The following KIF13B variants were observed in gnomAD, a reference collection of about 807,000 sequenced individuals.
KIF13B encodes kinesin family member 13B.
A neutral mutation model predicts 222.0 loss-of-function variants in KIF13B; 127 were observed. The ratio of observed to expected loss-of-function variants is 0.57; its 90% CI spans 0.50 to 0.66. The LOEUF is 0.66. Among genes scored for constraint, KIF13B ranks in the 30% least tolerant of loss-of-function variants. KIF13B has a pLI of 0.00. For synonymous variants in KIF13B, 976 were observed against 919.0 expected, an observed-to-expected ratio of 1.06 and a Z score of -1.12; for missense variants, 2,173 against 2,379.0, an observed-to-expected ratio of 0.91 and a Z score of 1.80.
chr8:29,131,693 T>TA (rs1356914241), intron 23 of KIF13B, among the ~76,000 whole-genome samples: 1 of 152,226 alleles, frequency 6.6e-6, no homozygotes, highest in Non-Finnish European at 1.5e-5. Flanking sequence ...TCTTGATCCA[T>TA]ACTCTCTACA....
Position 29,215,893 on chromosome 8 carries a change from C to T in KIF13B, c.150-19694G>A, listed in dbSNP as rs73560767. 5.8e-3 allele frequency among the ~76,000 whole-genome samples: 877 copies of T among 152,298 alleles called. 7 individuals carry two copies. Among genetic ancestry groups the T allele is most frequent in the African/African-American group, 0.02 (841 of 41,554 alleles). On this transcript the variant is annotated intron_variant, in intron 2 of 39. Transcript: ENST00000524189. ...TAATTTTAAAACTAAATTGCACACA[C>T]ATACAGGTAACTAGTATTGCCTATA...
rs757232762 is a variant in KIF13B, at chr8:29,186,391, C to T, written c.398G>A (p.Arg133Gln). 5 of 1,613,714 alleles carry T rather than the reference C, an allele frequency of 3.1e-6. No homozygotes were observed. Among genetic ancestry groups the T allele is most frequent in the Middle Eastern group, 1.7e-4 (1 of 6,060 alleles). ...IPRLCSGLFE[R>Q]TQKEENEEQS... ...TTCTTCATTTTCCTCTTTCTGAGTT[C>T]GTTCAAAGAGTCCACTGCAAAGTCT... The change falls in exon 6 of 40, where the codon CGA (arginine) becomes CAA (glutamine). Residue 133 changes from arginine to glutamine, a missense_variant. Physicochemically the swap from Arg to Gln is conservative, Grantham distance 43. Transcript: ENST00000524189.
chr8:29,205,013 G>C (rs1014156213), intron 2 of KIF13B, among the ~76,000 whole-genome samples: 2 of 152,058 alleles, frequency 1.3e-5, no homozygotes, highest in Non-Finnish European at 2.9e-5. Flanking sequence ...CTCCGAACCA[G>C]AGGCCACACA....
At chr8:29,245,248 A>G (rs1815969938) in intron 2 of KIF13B, 98 bp downstream of exon 2, 1 of 774,610 alleles carries the variant, frequency 1.3e-6, no homozygotes, top group South Asian at 1.5e-5. Context: ...TCTACAGGGT[A>G]GGCATTCGAT....
At chr8:29,134,284 C>T in intron 21 of KIF13B, 74 bp from the exon 22 acceptor site, 1 of 1,435,044 alleles carries the variant, frequency 7.0e-7, no homozygotes, top group Non-Finnish European at 9.6e-7. Context: ...AGGTTCCAGC[C>T]CCGGCTCTGT....
At chr8:29,118,650 C>T (rs913600192) in intron 30 of KIF13B, among the ~76,000 whole-genome samples, 3 of 152,170 alleles carry the variant, frequency 2.0e-5, no homozygotes, top group Non-Finnish European at 4.4e-5. Context: ...ACTGCTCACA[C>T]AAGCTCAGTA....
chr8:29,262,856 C>A (rs1816736954), intron 1 of KIF13B, 124 bp downstream of exon 1: 2 of 683,034 alleles, frequency 2.9e-6, no homozygotes, highest in Non-Finnish European at 4.6e-6. Flanking sequence ...TCCCCGGGCC[C>A]CTCCTCGCGC....
chr8:29,123,938 T>C lies in KIF13B; in HGVS notation c.3352+86A>G, dbSNP rs1809992486. On this transcript the variant is annotated intron_variant, in intron 27 of 39. Coordinates refer to ENST00000524189, the MANE Select transcript of KIF13B (RefSeq NM_015254.4). The stretch of plus-strand genomic sequence containing the variant: ...CCCCATTACTGATGTGTTCATCTGG[T>C]TCTTAACTGATGTGGCTACAAAGGG... 5.0e-6 allele frequency: 4 copies of C among 804,026 alleles called. No individual in the cohort carries two copies. In the Admixed American group the frequency reaches 6.7e-5, roughly 14 times the overall value. 49.8% of individuals were successfully genotyped at this position (804,026 alleles called of 1,614,324 possible). A position where few individuals can be genotyped will look rare whatever the true frequency, so the allele number is the denominator to read the frequency against.
chr8:29,143,476 A>C (rs1046564658), intron 18 of KIF13B, among the ~76,000 whole-genome samples: 5 of 152,258 alleles, frequency 3.3e-5, no homozygotes, highest in Admixed American at 3.3e-4. Flanking sequence ...TCTTATTAAG[A>C]TCATACAGAA....
At chr8:29,086,399 T>C (rs1034663692) in intron 37 of KIF13B, among the ~76,000 whole-genome samples, 3 of 152,178 alleles carry the variant, frequency 2.0e-5, no homozygotes, top group African/African-American at 4.8e-5. Flanking sequence ...CACATACCTT[T>C]AGTCCCAGCT....
intron 31 of KIF13B, 43 bp from the exon 32 acceptor site, chr8:29,113,598 A>C (rs1809457519): frequency 8.3e-7 from 1 of 1,206,912 alleles, no homozygotes; most frequent in Non-Finnish European, 1.2e-6. Flanking sequence ...CCACCTGAAA[A>C]ACTGAGTTTA....
chr8:29,191,784 A>T (rs945991412), intron 3 of KIF13B, among the ~76,000 whole-genome samples: 41 of 152,246 alleles, frequency 2.7e-4, no homozygotes, highest in Admixed American at 1.3e-3. Context: ...TTTTAAACCA[A>T]CTAAGCAAAG....
At position 29,118,910 on chromosome 8, in the gene KIF13B, CTCT is replaced by C. The variant is rs767367734; in HGVS notation, c.3615_3617del (p.Glu1207del). 114 of 1,613,840 alleles carry C rather than the reference CTCT, an allele frequency of 7.1e-5. No homozygotes were observed. The South Asian group carries it at 1.1e-3, about 16-fold the overall frequency. On this transcript the variant is annotated inframe_deletion, in exon 30 of 40. Coordinates refer to ENST00000524189, the MANE Select transcript of KIF13B (RefSeq NM_015254.4). Reference sequence around the variant, plus strand: ...TCACAATCTGCAATTCAAAGAACTCCTCTTCTTCTTCCCCAGTCAAGGTCGCAT... The same window carrying C: ...TCACAATCTGCAATTCAAAGAACTCCTCTTCTTCCCCAGTCAAGGTCGCAT...
rs141910536 is a variant in KIF13B at position 29,090,200 on chromosome 8, G to A, written c.4458+2545C>T. On this transcript the variant is annotated intron_variant, in intron 37 of 39. Coordinates refer to ENST00000524189, the MANE Select transcript of KIF13B (RefSeq NM_015254.4). ...CGGGGTACAGGCACTGCAGGGCACT[G>A]TGAGCCACAGTGAGAAATTCACATT... Among the ~76,000 whole-genome samples the A allele has an allele frequency of 1.3e-4, 20 of 152,314 alleles. No individual in the cohort carries two copies. The East Asian group carries it at 3.7e-3, about 28-fold the overall frequency.
chr8:29,081,319 C>A (rs1283942025), intron 37 of KIF13B, among the ~76,000 whole-genome samples: 1 of 152,212 alleles, frequency 6.6e-6, no homozygotes, highest in Non-Finnish European at 1.5e-5. Context: ...ATGGCAGCCA[C>A]CAGCCACTGG....
At chr8:29,195,602 C>A (rs1270134801) in intron 3 of KIF13B, among the ~76,000 whole-genome samples, 2 of 152,222 alleles carry the variant, frequency 1.3e-5, no homozygotes, top group Non-Finnish European at 2.9e-5. Context: ...CAAGTAACTT[C>A]ATGGTCAGTT....
intron 2 of KIF13B, among the ~76,000 whole-genome samples, chr8:29,223,615 G>C (rs967733910): frequency 1.3e-5 from 2 of 152,188 alleles, no homozygotes; most frequent in Admixed American, 1.3e-4. Flanking sequence ...AAACAAGCCA[G>C]ATGATAAAGA....
chr8:29,261,388 C>T (rs998982526), intron 1 of KIF13B, among the ~76,000 whole-genome samples: 1 of 152,192 alleles, frequency 6.6e-6, no homozygotes, highest in Non-Finnish European at 1.5e-5. Flanking sequence ...AGGGAAAGGG[C>T]TCTAAATATC....
intron 2 of KIF13B, among the ~76,000 whole-genome samples, chr8:29,241,703 A>AG (rs1418603444): frequency 5.6e-5 from 6 of 106,990 alleles, no homozygotes; most frequent in Non-Finnish European, 8.7e-5. Context: ...GCAGCAAGGG[A>AG]GGGAAAAAAA....
Sources: gnomAD v4.1 joint callset for allele counts (sites outside exome capture counted in the v4.1 genomes callset) on GRCh38, gnomAD v4.1.1 for gene constraint, MANE v1.5 for transcripts, NCBI Gene and HGNC (gene_info 2026-07-23, HGNC 2026-07-21) for gene names.